Variants in HMCN1 observed in about 807,000 individuals in gnomAD.
HMCN1 encodes hemicentin-1.
In HMCN1, 321 loss-of-function variants were observed where a neutral mutation model predicts 625.9. The observed-to-expected ratio is 0.51, with a 90% confidence interval of 0.47 to 0.56. The LOEUF is 0.56. Among genes scored for constraint, HMCN1 ranks in the 20% least tolerant of loss-of-function variants. The probability of loss-of-function intolerance (pLI) is 0.00; values close to 1 mark genes in which losing one functional copy is unlikely to be tolerated. For synonymous variants in HMCN1, 2,425 were observed against 2,417.6 expected, an observed-to-expected ratio of 1.00 and a Z score of -0.09; for missense variants, 6,588 against 6,887.3, an observed-to-expected ratio of 0.96 and a Z score of 1.54.
Position 186,065,390 on chromosome 1 carries a change from G to A in HMCN1, c.7666G>A (p.Ala2556Thr). 1 of 1,609,986 alleles carries A rather than the reference G, an allele frequency of 6.2e-7. No individual in the cohort carries two copies. Among genetic ancestry groups the A allele is most frequent in the Non-Finnish European group, 8.5e-7 (1 of 1,179,542 alleles). ...GRYTCLASSP[A>T]GHKSRSFSLN... The stretch of plus-strand genomic sequence containing the variant: ...ATATACATGTTTGGCTTCCAGTCCA[G>A]CTGGCCACAAGAGCAGGAGCTTCAG... Residue 2556 changes from alanine (A) to threonine (T), a missense_variant, in exon 49 of 107, where the codon GCT becomes ACT. Transcript: ENST00000271588.
chr1:185,951,120 G>C (rs1219455033), intron 11 of HMCN1, among the ~76,000 whole-genome samples: 1 of 151,634 alleles, frequency 6.6e-6, no homozygotes, highest in Non-Finnish European at 1.5e-5. Context: ...GGAGGGAGTA[G>C]AGGTATCTTA....
chr1:186,144,520 T>C lies in HMCN1; in HGVS notation c.14096-13T>C, dbSNP rs1191121870. The C allele has an allele frequency of 2.5e-6, 4 of 1,614,134 alleles. No homozygotes were observed. Among genetic ancestry groups the C allele is most frequent in the Non-Finnish European group, 3.4e-6 (4 of 1,180,004 alleles). ...GGTAGTAAGAAAGCATGTACCTTTT[T>C]CCCTTATTCCAGTTCATGGCAAGTG... On this transcript the variant is annotated splice_polypyrimidine_tract_variant and intron_variant, in intron 90 of 106. Coordinates refer to ENST00000271588, the MANE Select transcript of HMCN1 (RefSeq NM_031935.3).
chr1:185,796,093 T>G (rs1416779550), intron 1 of HMCN1, among the ~76,000 whole-genome samples: 1 of 152,200 alleles, frequency 6.6e-6, no homozygotes, highest in Admixed American at 6.5e-5. Flanking sequence ...TTGGCACCAG[T>G]GACTGGGTTT....
intron 81 of HMCN1, among the ~76,000 whole-genome samples, chr1:186,125,302 T>TAAAG (rs970205988): frequency 6.6e-6 from 1 of 152,110 alleles, no homozygotes; most frequent in African/African-American, 2.4e-5. Context: ...AGAAGTAACT[T>TAAAG]AAAGACGGAA....
intron 13 of HMCN1, among the ~76,000 whole-genome samples, chr1:185,964,875 G>C (rs1452469155): frequency 2.0e-5 from 3 of 152,070 alleles, no homozygotes; most frequent in African/African-American, 7.2e-5. Flanking sequence ...GAGAGTAAAA[G>C]TCTGTTGTAT....
At position 186,114,081 on chromosome 1, in the gene HMCN1, C is replaced by CA; in HGVS notation, c.11235dup (p.Trp3746MetfsTer32). 6.2e-7 allele frequency: 1 copy of CA among 1,614,004 alleles called. No homozygotes were observed. Among genetic ancestry groups the CA allele is most frequent in the Non-Finnish European group, 8.5e-7 (1 of 1,179,936 alleles). On this transcript the variant is annotated frameshift_variant, in exon 73 of 107. Coordinates refer to ENST00000271588, the MANE Select transcript of HMCN1 (RefSeq NM_031935.3). LOFTEE classifies it high-confidence loss of function. ...GAAGGTGTGCCAACTCCAAGGATAACATGGAGAAAGGATGGAGCTGTTCTA... is the reference window on the plus strand; with the variant it reads ...GAAGGTGTGCCAACTCCAAGGATAACAATGGAGAAAGGATGGAGCTGTTCTA...
At chr1:186,088,820 T>G in intron 63 of HMCN1, 65 bp downstream of exon 63, 1 of 1,467,176 alleles carries the variant, frequency 6.8e-7, no homozygotes, top group Non-Finnish European at 9.4e-7. Context: ...TACAAAATAA[T>G]CTACATTTAA....
At chr1:186,088,071 G>A in intron 61 of HMCN1, 58 bp downstream of exon 61, 1 of 1,610,752 alleles carries the variant, frequency 6.2e-7, no homozygotes, top group African/African-American at 1.3e-5. Flanking sequence ...TGAAAAAAGT[G>A]TTCCAAATTA....
At chr1:186,005,396 T>G (rs1653536515) in intron 29 of HMCN1, among the ~76,000 whole-genome samples, 4 of 149,574 alleles carry the variant, frequency 2.7e-5, no homozygotes, top group African/African-American at 9.9e-5. Flanking sequence ...ATAAACAAGT[T>G]TTTAATTGTT....
chr1:186,022,040 C>T (rs969591005), intron 35 of HMCN1, among the ~76,000 whole-genome samples: 14 of 151,910 alleles, frequency 9.2e-5, no homozygotes, highest in African/African-American at 3.1e-4. Flanking sequence ...TGGGAACATG[C>T]AATCAGAAGT....
At chr1:185,985,267 T>C (rs1651929791) in intron 19 of HMCN1, among the ~76,000 whole-genome samples, 1 of 152,228 alleles carries the variant, frequency 6.6e-6, no homozygotes, top group African/African-American at 2.4e-5. Context: ...ACTAAATTAG[T>C]TATAACCTAG....
At chr1:185,868,346 C>G (rs1292879735) in intron 4 of HMCN1, among the ~76,000 whole-genome samples, 1 of 152,094 alleles carries the variant, frequency 6.6e-6, no homozygotes, top group Non-Finnish European at 1.5e-5. Flanking sequence ...CTGTGTCTCC[C>G]CCCACTGCCC....
intron 4 of HMCN1, among the ~76,000 whole-genome samples, chr1:185,881,589 G>T (rs952622963): frequency 6.6e-6 from 1 of 152,160 alleles, no homozygotes; most frequent in Non-Finnish European, 1.5e-5. Flanking sequence ...CTCACTTTGG[G>T]CTGTGGTTTC....
At chr1:186,143,378 A>G (rs1433076327) in intron 89 of HMCN1, among the ~76,000 whole-genome samples, 1 of 152,196 alleles carries the variant, frequency 6.6e-6, no homozygotes, top group East Asian at 1.9e-4. Flanking sequence ...TGAAAACAAA[A>G]ATATGACCTG....
chr1:185,830,365 G>A (rs1276154488), intron 1 of HMCN1, among the ~76,000 whole-genome samples: 2 of 151,986 alleles, frequency 1.3e-5, no homozygotes, highest in Non-Finnish European at 2.9e-5. Flanking sequence ...TTTCTTCTAG[G>A]GTTTTTATGG....
chr1:185,758,299 CCGGAGGATTACA>C (rs779624951), intron 1 of HMCN1, among the ~76,000 whole-genome samples: 6 of 152,108 alleles, frequency 3.9e-5, no homozygotes, highest in Non-Finnish European at 5.9e-5. Context: ...CCTTTTGAAG[CCGGAGGATTACA>C]ATTTCCATTC....
Position 185,990,317 on chromosome 1 carries a change from A to G in HMCN1, c.3251A>G (p.Asp1084Gly). 1 of 1,614,060 alleles carries G rather than the reference A, an allele frequency of 6.2e-7. No homozygotes were observed. Among genetic ancestry groups the G allele is most frequent in the Non-Finnish European group, 8.5e-7 (1 of 1,179,900 alleles). The change falls in exon 22 of 107, where the codon GAT becomes GGT. Residue 1084 changes from aspartate to glycine, a missense_variant. Transcript: ENST00000271588. The part of the protein sequence containing the change: ...VFGDQRGLSQ[D>G]KPVEISVLAG... The stretch of plus-strand genomic sequence containing the variant: ...GGAGATCAACGAGGACTGTCCCAGG[A>G]TAAGCCTGTTGAGATCTCCGTCCTT...
At chr1:185,967,254 A>G (rs1387978070) in intron 14 of HMCN1, among the ~76,000 whole-genome samples, 3 of 152,130 alleles carry the variant, frequency 2.0e-5, no homozygotes, top group Non-Finnish European at 2.9e-5. Context: ...ACAGTCTTTT[A>G]TTCCCCCAAA....
intron 11 of HMCN1, among the ~76,000 whole-genome samples, chr1:185,960,150 C>G (rs1177215452): frequency 1.8e-5 from 2 of 113,598 alleles, no homozygotes; most frequent in Admixed American, 2.1e-4. Context: ...TTTTTTGAGA[C>G]GGAGTTTTGC....
Sources: allele counts gnomAD v4.1 joint callset (sites outside exome capture counted in the v4.1 genomes callset), GRCh38; gene constraint gnomAD v4.1.1; transcripts MANE v1.5; gene names NCBI Gene and HGNC (gene_info 2026-07-23, HGNC 2026-07-21).